Variants in PCSK5 observed in about 807,000 individuals in gnomAD.
PCSK5 encodes the protein proprotein convertase subtilisin/kexin type 5.
Under a neutral mutation model 233.2 loss-of-function variants are expected in PCSK5, and 129 were observed. That is an observed-to-expected ratio of 0.55 (90% CI 0.48 to 0.64). PCSK5 has a LOEUF of 0.64. Ranked by LOEUF, PCSK5 falls within the 30% of genes least tolerant of loss-of-function variation. PCSK5 has a pLI of 0.00. For synonymous variants in PCSK5, 825 were observed against 879.2 expected (o/e 0.94, Z 1.09); for missense variants, 2,076 against 2,430.1 (o/e 0.85, Z 3.06).
intron 9 of PCSK5, among the ~76,000 whole-genome samples, chr9:76,123,155 T>G (rs1587656432): frequency 6.6e-6 from 1 of 152,304 alleles, no homozygotes; most frequent in East Asian, 1.9e-4. Context: ...ACTTTTATTT[T>G]CTTAAAGTCT....
chr9:75,978,313 C>T (rs1372885315), intron 2 of PCSK5, among the ~76,000 whole-genome samples: 1 of 152,206 alleles, frequency 6.6e-6, no homozygotes, highest in Non-Finnish European at 1.5e-5. Flanking sequence ...TGCCCCAAGC[C>T]AGCCGTGGAA....
At chr9:76,308,215 A>G (rs529630249) in intron 28 of PCSK5, among the ~76,000 whole-genome samples, 2 of 152,196 alleles carry the variant, frequency 1.3e-5, no homozygotes, top group Non-Finnish European at 2.9e-5. Flanking sequence ...AAAGAAAAGA[A>G]AAGAAAAGGT....
At chr9:75,994,439 T>TGAGATGGAG in intron 3 of PCSK5, among the ~76,000 whole-genome samples, 1 of 83,712 alleles carries the variant, frequency 1.2e-5, no homozygotes, top group Non-Finnish European at 2.3e-5. Context: ...TTTTTTTTTT[T>TGAGATGGAG]TTTGAGATGG....
intron 30 of PCSK5, among the ~76,000 whole-genome samples, chr9:76,318,610 G>A (rs1302099465): frequency 6.6e-6 from 1 of 152,122 alleles, no homozygotes; most frequent in Non-Finnish European, 1.5e-5. Context: ...TTAATCACTG[G>A]GGTTCTATAT....
chr9:76,247,816 G>A (rs1009164850), intron 24 of PCSK5, among the ~76,000 whole-genome samples: 4 of 149,864 alleles, frequency 2.7e-5, no homozygotes, highest in East Asian at 3.9e-4. Flanking sequence ...ACAGAGTCTC[G>A]CCCTGTTGCC....
At chr9:76,277,947 C>T (rs12345311) in intron 24 of PCSK5, among the ~76,000 whole-genome samples, 5,630 of 152,222 alleles carry the variant, frequency 0.037, 339 homozygotes, top group African/African-American at 0.13. Flanking sequence ...TACAGCGTTG[C>T]TCAGTAAGTA....
intron 20 of PCSK5, among the ~76,000 whole-genome samples, chr9:76,219,498 A>C (rs761578872): frequency 6.6e-6 from 1 of 152,190 alleles, no homozygotes; most frequent in African/African-American, 2.4e-5. Context: ...GGTGGTATTA[A>C]GCTCTGTGGG....
At chr9:75,937,377 C>T (rs1193051407) in intron 2 of PCSK5, among the ~76,000 whole-genome samples, 5 of 152,002 alleles carry the variant, frequency 3.3e-5, no homozygotes, top group Non-Finnish European at 7.4e-5. Context: ...CAGGGTTTCA[C>T]CATGTTAGTC....
chr9:75,906,808 A>C (rs1346517075), intron 1 of PCSK5, among the ~76,000 whole-genome samples: 2 of 152,132 alleles, frequency 1.3e-5, no homozygotes, highest in Non-Finnish European at 2.9e-5. Context: ...GCCTGTACCT[A>C]CTTGTCCTGA....
At chr9:76,336,365 G>T (rs1287555844) in intron 34 of PCSK5, among the ~76,000 whole-genome samples, 2 of 152,106 alleles carry the variant, frequency 1.3e-5, no homozygotes. Context: ...AAACAAAGAT[G>T]AACCTTTAGG....
At chr9:76,197,038 T>C (rs552458149) in intron 20 of PCSK5, among the ~76,000 whole-genome samples, 1 of 152,218 alleles carries the variant, frequency 6.6e-6, no homozygotes, top group Non-Finnish European at 1.5e-5. Flanking sequence ...GAAGCATGGA[T>C]GAGTCTTACC....
chr9:75,928,596 C>CACAT (rs1554707479), intron 1 of PCSK5, among the ~76,000 whole-genome samples: 2 of 68,396 alleles, frequency 2.9e-5, no homozygotes, highest in African/African-American at 9.9e-5. Context: ...CATATAAATA[C>CACAT]ATATATATAT....
At chr9:76,296,256 C>A (rs1040875722) in intron 26 of PCSK5, among the ~76,000 whole-genome samples, 2 of 152,182 alleles carry the variant, frequency 1.3e-5, no homozygotes, top group African/African-American at 2.4e-5. Flanking sequence ...TGAGCCACCT[C>A]GCCCGACCTG....
intron 2 of PCSK5, among the ~76,000 whole-genome samples, chr9:75,978,658 T>C (rs1175394001): frequency 6.6e-6 from 1 of 152,164 alleles, no homozygotes; most frequent in Non-Finnish European, 1.5e-5. Flanking sequence ...CAGAAAGAAT[T>C]ACTTTGTTTT....
chr9:76,045,755 A>G (rs972204184), intron 5 of PCSK5, among the ~76,000 whole-genome samples: 3 of 152,148 alleles, frequency 2.0e-5, no homozygotes, highest in African/African-American at 4.8e-5. Context: ...CTGGTTCTCT[A>G]CCTGCTATCC....
chr9:75,987,467 A>G (rs1005458668), intron 3 of PCSK5, among the ~76,000 whole-genome samples: 1 of 152,002 alleles, frequency 6.6e-6, no homozygotes, highest in Non-Finnish European at 1.5e-5. Flanking sequence ...CCCTTTTTAT[A>G]TCTCCCCAGA....
At chr9:76,321,772 C>G (rs1436485747) in intron 31 of PCSK5, 133 bp downstream of exon 31, 1 of 612,184 alleles carries the variant, frequency 1.6e-6, no homozygotes, top group African/African-American at 1.9e-5. Flanking sequence ...GTCTCTGTGC[C>G]TGTCATCAGA....
At chr9:76,077,936 C>T (rs1830696908) in intron 7 of PCSK5, among the ~76,000 whole-genome samples, 1 of 152,200 alleles carries the variant, frequency 6.6e-6, no homozygotes, top group South Asian at 2.1e-4. Context: ...AATGGAATTG[C>T]TAGGTTGAAC....
chr9:76,120,472 C>A (rs1487908895), intron 9 of PCSK5, among the ~76,000 whole-genome samples: 1 of 151,956 alleles, frequency 6.6e-6, no homozygotes, highest in Admixed American at 6.6e-5. Context: ...TTGTTTAGAT[C>A]TTCTTTTTAT....
Sources: gnomAD v4.1 joint callset for allele counts (sites outside exome capture counted in the v4.1 genomes callset) on GRCh38, gnomAD v4.1.1 for gene constraint, MANE v1.5 for transcripts, NCBI Gene and HGNC (gene_info 2026-07-23, HGNC 2026-07-21) for gene names.